SBF2: variants seen among roughly 807,000 people sequenced by gnomAD.
SBF2 encodes the protein myotubularin-related protein 13.
Under a neutral mutation model 225.2 loss-of-function variants are expected in SBF2, and 112 were observed. The ratio of observed to expected loss-of-function variants is 0.50; its 90% confidence interval spans 0.43 to 0.58. The LOEUF is 0.58. SBF2 is among the 20% of genes least tolerant of loss of function. SBF2 has a pLI of 0.00. For missense variants in SBF2, 1,996 were observed against 2,206.2 expected, an observed-to-expected ratio of 0.90 and a Z score of 1.91; for synonymous variants, 763 against 773.3, an observed-to-expected ratio of 0.99 and a Z score of 0.22.
chr11:9,971,706 A>G (rs763157473), intron 13 of SBF2, among the ~76,000 whole-genome samples: 33 of 152,146 alleles, frequency 2.2e-4, no homozygotes, highest in Admixed American at 8.5e-4. Context: ...AAGAAAAAGA[A>G]GGATGCACAT....
intron 16 of SBF2, among the ~76,000 whole-genome samples, chr11:9,955,278 T>A (rs1447294815): frequency 6.6e-6 from 1 of 152,070 alleles, no homozygotes; most frequent in Non-Finnish European, 1.5e-5. Flanking sequence ...CAGGTTTTAG[T>A]GTAAATATCC....
At chr11:10,038,019 T>C (rs1251990975) in intron 3 of SBF2, among the ~76,000 whole-genome samples, 1 of 152,032 alleles carries the variant, frequency 6.6e-6, no homozygotes, top group African/African-American at 2.4e-5. Context: ...AATACACACA[T>C]TCCATTGATT....
At chr11:9,846,919 T>C in intron 23 of SBF2, 37 bp downstream of exon 23, 1 of 1,612,846 alleles carries the variant, frequency 6.2e-7, no homozygotes, top group Non-Finnish European at 8.5e-7. Context: ...TTTTGAAAAT[T>C]TTTGAATAGT....
At chr11:10,027,902 A>T (rs1316375482) in intron 6 of SBF2, among the ~76,000 whole-genome samples, 1 of 152,158 alleles carries the variant, frequency 6.6e-6, no homozygotes. Flanking sequence ...AATGCAAAAT[A>T]TATCATCTAT....
intron 2 of SBF2, among the ~76,000 whole-genome samples, chr11:10,093,382 GAAA>G (rs34568610): frequency 7.9e-6 from 1 of 126,826 alleles, no homozygotes; most frequent in African/African-American, 3.0e-5. Context: ...TGGTCAGCTG[GAAA>G]AAAAAAAAAA....
chr11:10,233,475 C>T (rs180681547), intron 1 of SBF2, among the ~76,000 whole-genome samples: 1 of 152,016 alleles, frequency 6.6e-6, no homozygotes, highest in Non-Finnish European at 1.5e-5. Flanking sequence ...TCTTATACCA[C>T]TGATTTTTAA....
chr11:10,240,763 T>C (rs958776668), intron 1 of SBF2, among the ~76,000 whole-genome samples: 3 of 152,208 alleles, frequency 2.0e-5, no homozygotes, highest in African/African-American at 7.2e-5. Flanking sequence ...GGTGCATTTT[T>C]TTCTGCTTCT....
intron 19 of SBF2, among the ~76,000 whole-genome samples, chr11:9,856,143 T>G (rs558957323): frequency 6.6e-6 from 1 of 152,258 alleles, no homozygotes; most frequent in East Asian, 1.9e-4. Context: ...TGCAAGAAGG[T>G]GCTCACTAAT....
rs1964352140 is a variant in SBF2 at position 10,294,011 on chromosome 11, T to C, written c.55+4A>G. ...CCGGGGGCGGTGCCGCCCCACACCCTTACCTGGCTTCTCGTGGTCATAGCC... is the reference window on the plus strand; with the variant it reads ...CCGGGGGCGGTGCCGCCCCACACCCCTACCTGGCTTCTCGTGGTCATAGCC... On this transcript the variant is annotated splice_donor_region_variant and intron_variant, in intron 1 of 39. Coordinates refer to ENST00000256190, the MANE Select transcript of SBF2 (RefSeq NM_030962.4). 7.2e-7 allele frequency: 1 copy of C among 1,397,860 alleles called. No homozygotes were observed. Among genetic ancestry groups the C allele is most frequent in the South Asian group, 1.6e-5 (1 of 63,150 alleles). The allele number at this position is 1,397,860 out of a possible 1,614,324, so 86.6% of individuals were successfully genotyped here.
chr11:9,808,886 T>A lies in SBF2; in HGVS notation c.4257+15A>T. On this transcript the variant is annotated intron_variant, in intron 31 of 39. Coordinates refer to ENST00000256190, the MANE Select transcript of SBF2 (RefSeq NM_030962.4). ...TATAAATATAAAATATCAAAAAATA[T>A]GTCTAATAGTTTACTTGTGCAGTGA... 1 of 1,552,018 alleles carries A rather than the reference T, an allele frequency of 6.4e-7. No individual in the cohort carries two copies. The highest frequency in any genetic ancestry group is 8.9e-7 in the Non-Finnish European group (1 of 1,124,478).
At chr11:9,824,518 G>A (rs1318681175) in intron 28 of SBF2, among the ~76,000 whole-genome samples, 1 of 147,536 alleles carries the variant, frequency 6.8e-6, no homozygotes, top group African/African-American at 2.5e-5. Context: ...GATCAAGATC[G>A]CTCCACTGCA....
At chr11:10,123,530 T>C (rs1953581447) in intron 2 of SBF2, among the ~76,000 whole-genome samples, 1 of 152,116 alleles carries the variant, frequency 6.6e-6, no homozygotes, top group Non-Finnish European at 1.5e-5. Flanking sequence ...TTTTTAAAAA[T>C]ACAAAAATTA....
At chr11:10,290,227 C>T (rs1964077277) in intron 1 of SBF2, among the ~76,000 whole-genome samples, 1 of 151,936 alleles carries the variant, frequency 6.6e-6, no homozygotes, top group South Asian at 2.1e-4. Context: ...TGGGGTGGAG[C>T]TTGTCATATT....
At chr11:10,259,961 C>G (rs911076891) in intron 1 of SBF2, among the ~76,000 whole-genome samples, 13 of 152,202 alleles carry the variant, frequency 8.5e-5, no homozygotes, top group African/African-American at 3.1e-4. Flanking sequence ...GATTTTAACC[C>G]AACTAATGCC....
intron 2 of SBF2, among the ~76,000 whole-genome samples, chr11:10,135,172 C>CTGT (rs1238542251): frequency 2.6e-5 from 4 of 152,264 alleles, no homozygotes; most frequent in African/African-American, 9.6e-5. Context: ...ACAGCCCACA[C>CTGT]TGTACCTTGG....
intron 38 of SBF2, among the ~76,000 whole-genome samples, chr11:9,782,617 T>C (rs1852087432): frequency 6.6e-6 from 1 of 152,190 alleles, no homozygotes; most frequent in Non-Finnish European, 1.5e-5. Flanking sequence ...ATGCCTGTAA[T>C]CCTAACACTT....
chr11:10,118,333 A>G (rs1401615135), intron 2 of SBF2, among the ~76,000 whole-genome samples: 1 of 152,200 alleles, frequency 6.6e-6, no homozygotes, highest in Non-Finnish European at 1.5e-5. Flanking sequence ...CTAAAGTACA[A>G]CAAAGAAAAA....
In SBF2 at chr11:10,278,264, T is replaced by G. The variant is rs1357033444; in HGVS notation, c.55+15751A>C. On this transcript the variant is annotated intron_variant, in intron 1 of 39. Transcript: ENST00000256190. Reference sequence around the variant, plus strand: ...TAAAAACTTATGAAAAATTTTATGATGAAGACATTGATAAGTATATGGGAA... The same window carrying G: ...TAAAAACTTATGAAAAATTTTATGAGGAAGACATTGATAAGTATATGGGAA... Among the ~76,000 whole-genome samples, 3 of 152,314 alleles carry G rather than the reference T, an allele frequency of 2.0e-5. No individual in the cohort carries two copies. The East Asian group carries it at 5.8e-4, about 29-fold the overall frequency.
At chr11:10,081,561 C>A (rs910258526) in intron 2 of SBF2, among the ~76,000 whole-genome samples, 46 of 151,976 alleles carry the variant, frequency 3.0e-4, no homozygotes, top group African/African-American at 1.1e-3. Flanking sequence ...GAGATCGAGA[C>A]CATCCTGGCT....
Sources: allele counts gnomAD v4.1 joint callset (sites outside exome capture counted in the v4.1 genomes callset), GRCh38; gene constraint gnomAD v4.1.1; transcripts MANE v1.5; gene names NCBI Gene and HGNC (gene_info 2026-07-23, HGNC 2026-07-21).